DPP6: variants seen among roughly 807,000 people sequenced by gnomAD.
The protein encoded by DPP6 is dipeptidyl peptidase like 6.
In DPP6, 69 loss-of-function variants were observed where a neutral mutation model predicts 122.6. That is an observed-to-expected ratio of 0.56 (90% CI 0.46 to 0.69). The LOEUF (loss-of-function observed/expected upper bound fraction) is 0.69, where lower values mean the gene tolerates loss of function less well. Ranked by LOEUF, DPP6 falls within the 30% of genes least tolerant of loss-of-function variation. The probability of loss-of-function intolerance (pLI) is 0.00; values close to 1 mark genes in which losing one functional copy is unlikely to be tolerated. For missense variants in DPP6, 928 were observed against 1,116.9 expected, an observed-to-expected ratio of 0.83 and a Z score of 2.41; for synonymous variants, 418 against 433.1, an observed-to-expected ratio of 0.97 and a Z score of 0.43.
chr7:154,870,597 C>T (rs1804300843), intron 18 of DPP6, among the ~76,000 whole-genome samples: 1 of 152,048 alleles, frequency 6.6e-6, no homozygotes, highest in African/African-American at 2.4e-5. Flanking sequence ...TAGAGTGAGA[C>T]TTTGTCTCAA....
chr7:153,895,782 A>T (rs547337528), intron 1 of DPP6, among the ~76,000 whole-genome samples: 5 of 152,182 alleles, frequency 3.3e-5, no homozygotes, highest in East Asian at 1.9e-4. Context: ...TACATCTCAG[A>T]TGTAAAATAC....
At chr7:154,425,776 G>A (rs888441138) in intron 1 of DPP6, among the ~76,000 whole-genome samples, 3 of 151,846 alleles carry the variant, frequency 2.0e-5, no homozygotes, top group Admixed American at 2.0e-4. Flanking sequence ...CCAAGTAGCT[G>A]GGCCTACAGG....
chr7:154,645,312 G>A (rs913673513), intron 6 of DPP6, among the ~76,000 whole-genome samples: 14 of 151,906 alleles, frequency 9.2e-5, no homozygotes, highest in East Asian at 1.9e-4. Context: ...TGACCCGCCC[G>A]CCTCGGCCTC....
the DPP6 span, among the ~76,000 whole-genome samples, chr7:153,774,808 T>A: frequency 6.6e-6 from 1 of 151,630 alleles, no homozygotes; most frequent in Admixed American, 6.6e-5. Context: ...CTATGAAAAA[T>A]TTTTAAGTTA....
intron 1 of DPP6, among the ~76,000 whole-genome samples, chr7:154,276,910 A>G (rs1804175622): frequency 6.6e-6 from 1 of 152,216 alleles, no homozygotes; most frequent in Non-Finnish European, 1.5e-5. Flanking sequence ...TGCCTGCATG[A>G]AGCTTTTCCA....
At chr7:154,479,050 C>T (rs181874436) in intron 3 of DPP6, among the ~76,000 whole-genome samples, 92 of 152,266 alleles carry the variant, frequency 6.0e-4, no homozygotes, top group African/African-American at 2.0e-3. Context: ...GGAACTAATA[C>T]GCTTTATTTA....
intron 1 of DPP6, chr7:154,057,395 G>T (rs12534228): frequency 3.0e-5 from 7 of 232,236 alleles, no homozygotes; most frequent in East Asian, 1.8e-4. Flanking sequence ...CACTGGCTTA[G>T]GACGCCCATC....
intron 1 of DPP6, among the ~76,000 whole-genome samples, chr7:154,249,360 A>G (rs1487898433): frequency 1.3e-5 from 2 of 152,276 alleles, no homozygotes; most frequent in Non-Finnish European, 1.5e-5. Flanking sequence ...AATGAAAAAT[A>G]TCAATTAACC....
At chr7:154,055,242 C>T (rs1307541316) in intron 1 of DPP6, among the ~76,000 whole-genome samples, 1 of 140,416 alleles carries the variant, frequency 7.1e-6, no homozygotes. Context: ...AAATGCATTG[C>T]ACATATGTCC....
At chr7:154,387,195 T>C (rs1814193805) in intron 1 of DPP6, among the ~76,000 whole-genome samples, 1 of 152,148 alleles carries the variant, frequency 6.6e-6, no homozygotes, top group South Asian at 2.1e-4. Context: ...GTGACCTACA[T>C]CATTCATAGA....
chr7:154,892,085 T>C (rs1806659983), intron 25 of DPP6, among the ~76,000 whole-genome samples: 1 of 152,156 alleles, frequency 6.6e-6, no homozygotes, highest in Non-Finnish European at 1.5e-5. Flanking sequence ...TGAAGGCTGG[T>C]TGGCTTCACG....
intron 25 of DPP6, among the ~76,000 whole-genome samples, chr7:154,892,064 G>C (rs1001732193): frequency 6.6e-6 from 1 of 152,184 alleles, no homozygotes; most frequent in Non-Finnish European, 1.5e-5. Flanking sequence ...CACCGGGGGC[G>C]TGGTGGTGTT....
At chr7:154,881,011 A>G in intron 21 of DPP6, 69 bp downstream of exon 21, 1 of 1,545,026 alleles carries the variant, frequency 6.5e-7, no homozygotes, top group Non-Finnish European at 8.8e-7. Context: ...ACCCACGTCT[A>G]ATCCTGATTT....
the DPP6 span, among the ~76,000 whole-genome samples, chr7:153,772,906 A>G: frequency 2.0e-4 from 27 of 132,936 alleles, no homozygotes; most frequent in African/African-American, 5.9e-4. Context: ...ACTTTTATAT[A>G]TTATTATATA....
chr7:154,727,708 C>A, intron 7 of DPP6, 59 bp from the exon 8 acceptor site: 2 of 1,507,152 alleles, frequency 1.3e-6, no homozygotes, highest in Non-Finnish European at 1.8e-6. Flanking sequence ...TTTTTAAGAA[C>A]AGCCTATTTA....
At chr7:154,628,587 C>T (rs1260082242) in intron 5 of DPP6, among the ~76,000 whole-genome samples, 18 of 152,160 alleles carry the variant, frequency 1.2e-4, no homozygotes, top group Non-Finnish European at 1.5e-5. Context: ...CATGTCTTCC[C>T]AGAAAGACCT....
intron 1 of DPP6, among the ~76,000 whole-genome samples, chr7:154,218,124 A>T (rs2150822742): frequency 6.6e-6 from 1 of 152,322 alleles, no homozygotes; most frequent in East Asian, 1.9e-4. Flanking sequence ...TCAGCTGTGC[A>T]TGTGCTGAGA....
intron 1 of DPP6, among the ~76,000 whole-genome samples, chr7:153,973,556 C>G (rs1198788190): frequency 6.6e-6 from 1 of 151,892 alleles, no homozygotes; most frequent in African/African-American, 2.4e-5. Flanking sequence ...GAATCCATCT[C>G]TAGTCCTGGG....
chr7:153,815,928 T>C, the DPP6 span, among the ~76,000 whole-genome samples: 1 of 152,210 alleles, frequency 6.6e-6, no homozygotes, highest in Non-Finnish European at 1.5e-5. Context: ...GAATAAGGAA[T>C]GGCCAATGTT....
Sources: allele counts gnomAD v4.1 joint callset (sites outside exome capture counted in the v4.1 genomes callset), GRCh38; gene constraint gnomAD v4.1.1; transcripts MANE v1.5; gene names NCBI Gene and HGNC (gene_info 2026-07-23, HGNC 2026-07-21).